Variants in NRAP observed in about 807,000 individuals in gnomAD.
NRAP encodes the protein nebulin related anchoring protein.
Under a neutral mutation model 225.9 loss-of-function variants are expected in NRAP, and 189 were observed. The observed-to-expected ratio is 0.84, with a 90% CI of 0.74 to 0.94. The LOEUF (loss-of-function observed/expected upper bound fraction) is 0.94, where lower values mean the gene tolerates loss of function less well. Ranked by LOEUF, NRAP falls within the 40% of genes least tolerant of loss-of-function variation. The probability of loss-of-function intolerance (pLI) is 0.00; values close to 1 mark genes in which losing one functional copy is unlikely to be tolerated. For missense variants in NRAP, 2,176 were observed against 2,168.7 expected, an observed-to-expected ratio of 1.00 and a Z score of -0.07; for synonymous variants, 769 against 790.7, an observed-to-expected ratio of 0.97 and a Z score of 0.46.
chr10:113,596,862 C>T (rs1239261986), intron 37 of NRAP, among the ~76,000 whole-genome samples: 1 of 152,112 alleles, frequency 6.6e-6, no homozygotes, highest in African/African-American at 2.4e-5. Flanking sequence ...TCCCCGAAAC[C>T]CCAACCTCCT....
rs114158891 is a variant in NRAP, at chr10:113,650,285, C to T, written c.784-144G>A. ...TGTCTCAGACATAAAAGTGCCAGGT[C>T]ATTGTCATTGGTAAAATTGACTTAA... is the stretch of plus-strand genomic sequence containing the variant. On this transcript the variant is annotated intron_variant, in intron 8 of 41. Transcript: ENST00000359988. 1.0e-3 allele frequency: 762 copies of T among 764,910 alleles called. 3 individuals are homozygous for T. In the African/African-American group the frequency reaches 0.012, roughly 12 times the overall value. 47.4% of individuals were successfully genotyped at this position (764,910 alleles called of 1,614,324 possible). A position where few individuals can be genotyped will look rare whatever the true frequency, so the allele number is the denominator to read the frequency against.
rs776409243 is a variant in NRAP, at chr10:113,590,773, A to G, written c.4761T>C (p.Asn1587=). ...FLNVGRLQSD[N]EYKKDFAKSR... is the part of the protein sequence containing the mutation. ...TCTTGGCAAAGTCCTTCTTGTACTCATTGTCACTCTGGAGCCTGCCAACGT... is the reference window on the plus strand; with the variant it reads ...TCTTGGCAAAGTCCTTCTTGTACTCGTTGTCACTCTGGAGCCTGCCAACGT... The change falls in exon 40 of 42, where the codon AAT becomes AAC. Residue 1587 remains asparagine, a synonymous_variant. Transcript: ENST00000359988. The G allele has an allele frequency of 6.2e-7, 1 of 1,614,098 alleles. No homozygotes were observed. The highest frequency in any genetic ancestry group is 2.2e-5 in the East Asian group (1 of 44,878).
chr10:113,653,630 T>C (rs1180593770), intron 5 of NRAP, among the ~76,000 whole-genome samples: 2 of 152,186 alleles, frequency 1.3e-5, no homozygotes, highest in African/African-American at 4.8e-5. Flanking sequence ...TGCAAATGAT[T>C]GAGGATTTCC....
At chr10:113,662,651 C>T (rs888533739) in intron 3 of NRAP, 28 bp downstream of exon 3, 9 of 1,128,764 alleles carry the variant, frequency 8.0e-6, no homozygotes, top group Admixed American at 3.4e-5. Flanking sequence ...TCCATACCCT[C>T]CATCCCACTG....
At chr10:113,629,212 T>C (rs75147946) in intron 19 of NRAP, among the ~76,000 whole-genome samples, 191 bp from the exon 20 acceptor site, 2,019 of 152,352 alleles carry the variant, frequency 0.013, 32 homozygotes, top group Non-Finnish European at 0.019. Flanking sequence ...AAGAGTAGCA[T>C]GCTCTACCTT....
chr10:113,638,634 C>A (rs1849016200), intron 14 of NRAP, among the ~76,000 whole-genome samples: 1 of 152,182 alleles, frequency 6.6e-6, no homozygotes, highest in Admixed American at 6.5e-5. Context: ...CAGTCCCAGC[C>A]AATTGCTGCC....
In NRAP at chr10:113,588,883, C is replaced by T. The variant is rs540057700; in HGVS notation, c.*92G>A. 220 of 897,348 alleles carry T rather than the reference C, an allele frequency of 2.5e-4. 1 individual carries two copies. In the South Asian group the frequency reaches 2.8e-3, roughly 11 times the overall value. 55.6% of individuals were successfully genotyped at this position (897,348 alleles called of 1,614,324 possible). A position where few individuals can be genotyped will look rare whatever the true frequency, so the allele number is the denominator to read the frequency against. On this transcript the variant is annotated 3_prime_UTR_variant, in exon 42 of 42. Transcript: ENST00000359988. ...GAAGATCTGGGATGGGCTGGTGGGC[C>T]ATTCCAGCTTGCCGAAATCAAAGCC... is the stretch of plus-strand genomic sequence containing the variant.
Position 113,612,375 on chromosome 10 carries a change from G to C in NRAP, c.3357C>G (p.Asp1119Glu). The C allele has an allele frequency of 6.2e-7, 1 of 1,614,240 alleles. No homozygotes were observed. Among genetic ancestry groups the C allele is most frequent in the Non-Finnish European group, 8.5e-7 (1 of 1,180,030 alleles). The change falls in exon 30 of 42, where the codon GAC (aspartate) becomes GAG (glutamate). Residue 1119 changes from aspartate to glutamate, a missense_variant. This residue lies in a region of NRAP where 1,708 missense variants were observed against 1,695.5 expected (regional missense o/e 1.01). Coordinates refer to ENST00000359988, the MANE Select transcript of NRAP (RefSeq NM_198060.4). ...HSKAQFHLPLDMAALVHAKKA... is the reference protein window; with the variant it reads ...HSKAQFHLPLEMAALVHAKKA... The stretch of plus-strand genomic sequence containing the variant: ...TCTTGGCATGCACCAGGGCGGCCAT[G>C]TCCAACGGCAGATGGAACTGCGCCT...
Position 113,622,181 on chromosome 10 carries a change from C to A in NRAP, c.2458-1G>T. The A allele has an allele frequency of 6.2e-7, 1 of 1,606,298 alleles. No homozygotes were observed. The highest frequency in any genetic ancestry group is 8.5e-7 in the Non-Finnish European group (1 of 1,173,380). ...TCTCATAATCCTCCTTGTACTTCAC[C>A]TAAATAAGAGGAATAGAGCAGGGAT... On this transcript the variant is annotated splice_acceptor_variant, in intron 23 of 41. Transcript: ENST00000359988. LOFTEE classifies it high-confidence loss of function.
At chr10:113,645,012 A>C (rs1027422407) in intron 11 of NRAP, among the ~76,000 whole-genome samples, 3 of 152,198 alleles carry the variant, frequency 2.0e-5, no homozygotes, top group Admixed American at 2.0e-4. Context: ...AACAGTCCTC[A>C]CAATAAAAAC....
At position 113,663,859 on chromosome 10, in the gene NRAP, C is replaced by T; in HGVS notation, c.24G>A (p.Arg8=). 1.2e-6 allele frequency: 2 copies of T among 1,613,856 alleles called. No individual in the cohort carries two copies. Among genetic ancestry groups the T allele is most frequent in the Non-Finnish European group, 1.7e-6 (2 of 1,179,816 alleles). ...CGGCAGGATAAACCCCATACCCACA[C>T]CTAGAACAGGGCTGCACATTCATCT... MNVQPCS[R]CGYGVYPAEK... The change falls in exon 1 of 42, where the codon AGG becomes AGA. Residue 8 remains arginine, a synonymous_variant. Transcript: ENST00000359988.
intron 16 of NRAP, among the ~76,000 whole-genome samples, chr10:113,632,834 G>T (rs3121459): frequency 0.3 from 45,333 of 151,924 alleles, 7,008 homozygotes; most frequent in Admixed American, 0.38. Context: ...CATGTAGGGG[G>T]GTGTGTGTGT....
At chr10:113,634,947 C>G (rs1223990776) in intron 14 of NRAP, among the ~76,000 whole-genome samples, 1 of 152,178 alleles carries the variant, frequency 6.6e-6, no homozygotes, top group African/African-American at 2.4e-5. Context: ...CAGCCCCTGC[C>G]TGGCCCTCAC....
In NRAP at chr10:113,645,802, T is replaced by A. The variant is rs760345502; in HGVS notation, c.1110+23A>T. ...AGATAAAAGAGGTGATGCTCATGGG[T>A]GTGACTCTTCCCCCATACGCACCTC... On this transcript the variant is annotated intron_variant, in intron 11 of 41. Transcript: ENST00000359988. 5.6e-5 allele frequency: 65 copies of A among 1,152,460 alleles called. 1 individual carries two copies. Among genetic ancestry groups the A allele is most frequent in the South Asian group, 3.0e-4 (23 of 77,554 alleles). The allele number at this position is 1,152,460 out of a possible 1,614,324, so 71.4% of individuals were successfully genotyped here. A position where few individuals can be genotyped will look rare whatever the true frequency, so the allele number is the denominator to read the frequency against.
Position 113,652,984 on chromosome 10 carries a change from A to G in NRAP, c.521T>C (p.Ile174Thr), listed in dbSNP as rs144144361. 3 of 1,613,424 alleles carry G rather than the reference A, an allele frequency of 1.9e-6. No individual in the cohort carries two copies. Among genetic ancestry groups the G allele is most frequent in the South Asian group, 1.1e-5 (1 of 90,956 alleles). ...CTTGGCCCTTTGATAAGCAGGTGTGATCATGGCTGGAAAGCTCCCCTTGCC... is the reference window on the plus strand; with the variant it reads ...CTTGGCCCTTTGATAAGCAGGTGTGGTCATGGCTGGAAAGCTCCCCTTGCC... Reference protein sequence around the residue: ...PRGKGSFPAMITPAYQRAKKA... With the variant: ...PRGKGSFPAMTTPAYQRAKKA... The change falls in exon 6 of 42, where the codon ATC becomes ACC. Residue 174 changes from isoleucine to threonine, a missense_variant. Ile to Thr is a moderately conservative substitution (Grantham distance 89). Transcript: ENST00000359988.
intron 27 of NRAP, 152 bp from the exon 28 acceptor site, chr10:113,615,098 C>T (rs1457723907): frequency 1.4e-5 from 7 of 483,920 alleles, no homozygotes; most frequent in South Asian, 5.7e-5. Context: ...GCTAAACCCA[C>T]GTGAGTTGGA....
intron 35 of NRAP, 32 bp from the exon 36 acceptor site, chr10:113,598,105 G>T (rs772762171): frequency 3.9e-5 from 53 of 1,367,844 alleles, no homozygotes; most frequent in Middle Eastern, 3.6e-4. Context: ...GCTTTATCAG[G>T]AGAGTGCTTA....
intron 19 of NRAP, 81 bp downstream of exon 19, chr10:113,629,507 C>A: frequency 1.0e-6 from 1 of 978,938 alleles, no homozygotes. Context: ...GTAATAGACT[C>A]GTGCACAGGT....
chr10:113,608,895 A>C (rs1415305755), intron 31 of NRAP, among the ~76,000 whole-genome samples: 1 of 152,232 alleles, frequency 6.6e-6, no homozygotes. Context: ...ATAGTGGCTC[A>C]TGCCTGTAAT....
Sources: allele counts gnomAD v4.1 joint callset (sites outside exome capture counted in the v4.1 genomes callset), GRCh38; gene constraint gnomAD v4.1.1; regional missense constraint gnomAD v4.1.1; transcripts MANE v1.5; gene names NCBI Gene and HGNC (gene_info 2026-07-23, HGNC 2026-07-21).